The following ARMH3 variants were observed in gnomAD, a reference collection of about 807,000 sequenced individuals.
The protein encoded by ARMH3 is armadillo like helical domain containing 3.
Under a neutral mutation model 99.1 loss-of-function variants are expected in ARMH3, and 60 were observed. That is an observed-to-expected ratio of 0.61 (90% CI 0.49 to 0.75). The LOEUF is 0.75. Among genes scored for constraint, ARMH3 ranks in the 30% least tolerant of loss-of-function variants. The probability of loss-of-function intolerance (pLI) is 0.00; values close to 1 mark genes in which losing one functional copy is unlikely to be tolerated. For synonymous variants in ARMH3, 285 were observed against 292.8 expected, an observed-to-expected ratio of 0.97 and a Z score of 0.27; for missense variants, 679 against 843.1, an observed-to-expected ratio of 0.81 and a Z score of 2.41.
intron 17 of ARMH3, 33 bp from the exon 18 acceptor site, chr10:101,992,071 G>A (rs1359686730): frequency 1.3e-6 from 2 of 1,566,780 alleles, no homozygotes; most frequent in South Asian, 1.1e-5. Context: ...AAGGAAATTA[G>A]TAGACACCGG....
chr10:102,038,225 G>C (rs896835551), intron 2 of ARMH3, among the ~76,000 whole-genome samples: 4 of 150,312 alleles, frequency 2.7e-5, no homozygotes, highest in Non-Finnish European at 4.4e-5. Flanking sequence ...CTCCCAAGTA[G>C]CTGGGACTAC....
chr10:102,037,658 G>T (rs2136232833), intron 2 of ARMH3, among the ~76,000 whole-genome samples: 1 of 152,118 alleles, frequency 6.6e-6, no homozygotes, highest in African/African-American at 2.4e-5. Flanking sequence ...CTGCTGCCTT[G>T]AACTCCTAGG....
chr10:102,033,267 T>TA lies in ARMH3; in HGVS notation c.159+15_159+16insT, dbSNP rs1564869388. On this transcript the variant is annotated intron_variant, in intron 3 of 25. Coordinates refer to ENST00000370033, the MANE Select transcript of ARMH3 (RefSeq NM_024541.3). ...TTTAGTTACCAGGAAATTCCACAGA[T>TA]GCCACCAACTCTTACCTTCATGAGA... The TA allele has an allele frequency of 3.1e-6, 5 of 1,614,008 alleles. No homozygotes were observed. The East Asian group carries it at 1.1e-4, about 36-fold the overall frequency.
At chr10:101,889,296 C>T (rs2067627807) in intron 24 of ARMH3, 116 bp downstream of exon 24, 1 of 988,324 alleles carries the variant, frequency 1.0e-6, no homozygotes, top group Admixed American at 1.7e-5. Context: ...CTCTCAGCAG[C>T]CTGGCCCTGG....
At chr10:101,908,879 T>C (rs1842753726) in intron 23 of ARMH3, among the ~76,000 whole-genome samples, 1 of 151,738 alleles carries the variant, frequency 6.6e-6, no homozygotes, top group East Asian at 1.9e-4. Flanking sequence ...CCCAGGCTGG[T>C]CTCGCACTCC....
chr10:102,033,490 T>C, intron 2 of ARMH3, 151 bp from the exon 3 acceptor site: 1 of 816,578 alleles, frequency 1.2e-6, no homozygotes. Context: ...TGATCTCGGC[T>C]CACTGCAGGC....
In ARMH3 at chr10:101,962,198, G is replaced by A. The variant is rs1483746592; in HGVS notation, c.1496-4466C>T. On this transcript the variant is annotated intron_variant, in intron 20 of 25. Transcript: ENST00000370033. ...TCGCAGAGAATATCCTTTTGGGTAA[G>A]GGCAAGCTTGGTAGTTGAGACTTTC... 2.6e-5 allele frequency among the ~76,000 whole-genome samples: 4 copies of A among 152,344 alleles called. No homozygotes were observed. In the East Asian group the frequency reaches 7.7e-4, roughly 29 times the overall value.
At chr10:101,855,766 A>G (rs1337002971) in intron 24 of ARMH3, among the ~76,000 whole-genome samples, 1 of 147,354 alleles carries the variant, frequency 6.8e-6, no homozygotes, top group Non-Finnish European at 1.5e-5. Context: ...TGTATTATAT[A>G]TAAATATATT....
chr10:102,044,194 C>T (rs1024991109), intron 1 of ARMH3, among the ~76,000 whole-genome samples: 6 of 150,812 alleles, frequency 4.0e-5, no homozygotes, highest in East Asian at 3.9e-4. Flanking sequence ...CCTGGGTTCA[C>T]GCCATTCTCC....
In ARMH3 at chr10:101,993,524, A is replaced by G. The variant is rs1590150691; in HGVS notation, c.1275+14T>C. The G allele has an allele frequency of 6.4e-7, 1 of 1,574,782 alleles. No homozygotes were observed. The highest frequency in any genetic ancestry group is 2.3e-5 in the East Asian group (1 of 44,214). On this transcript the variant is annotated intron_variant, in intron 17 of 25. Transcript: ENST00000370033. ...TTCCTCTAAGAAAAAACAAGAAGCAAAAGAAACACCTACCATTCTATGTAA... is the reference window on the plus strand; with the variant it reads ...TTCCTCTAAGAAAAAACAAGAAGCAGAAGAAACACCTACCATTCTATGTAA...
intron 19 of ARMH3, among the ~76,000 whole-genome samples, chr10:101,986,099 C>T (rs983427583): frequency 6.6e-6 from 1 of 152,044 alleles, no homozygotes; most frequent in Non-Finnish European, 1.5e-5. Flanking sequence ...CAGAATGACT[C>T]TAAATTTAGT....
At chr10:102,017,563 G>A (rs1172097560) in intron 8 of ARMH3, among the ~76,000 whole-genome samples, 2 of 152,148 alleles carry the variant, frequency 1.3e-5, no homozygotes, top group Non-Finnish European at 2.9e-5. Flanking sequence ...ATGATAGTGT[G>A]TTCCTATCAC....
chr10:101,955,939 T>G (rs997264837), intron 22 of ARMH3, among the ~76,000 whole-genome samples: 1 of 152,196 alleles, frequency 6.6e-6, no homozygotes, highest in Non-Finnish European at 1.5e-5. Flanking sequence ...GCTAATAAAT[T>G]TGCGCTTTAA....
chr10:101,993,589 A>G lies in ARMH3; in HGVS notation c.1224T>C (p.Asn408=), dbSNP rs946699926. ...LTCIAEDQYA[N]AFLHDDNMNF... The stretch of plus-strand genomic sequence containing the variant: ...TCATGTTGTCATCATGCAAAAATGC[A>G]TTGGCATATTGATCCTAATAAAAAT... The change falls in exon 17 of 26, where the codon AAT becomes AAC. Residue 408 remains asparagine (N), a synonymous_variant. Transcript: ENST00000370033. The G allele has an allele frequency of 6.3e-7, 1 of 1,596,422 alleles. No homozygotes were observed. The highest frequency in any genetic ancestry group is 1.3e-5 in the African/African-American group (1 of 74,176).
chr10:101,914,175 C>A (rs987203348), intron 23 of ARMH3, among the ~76,000 whole-genome samples: 2 of 152,020 alleles, frequency 1.3e-5, no homozygotes, highest in East Asian at 3.9e-4. Flanking sequence ...GCTGAAGGGG[C>A]ATAAAAACAC....
intron 24 of ARMH3, among the ~76,000 whole-genome samples, chr10:101,878,304 A>G (rs1265033116): frequency 6.6e-6 from 1 of 152,160 alleles, no homozygotes; most frequent in East Asian, 1.9e-4. Context: ...TACCTTTTAG[A>G]TCTTGAACAG....
At chr10:101,850,090 C>CTTTT (rs754571008) in intron 24 of ARMH3, among the ~76,000 whole-genome samples, 198 bp from the exon 25 acceptor site, 45 of 91,346 alleles carry the variant, frequency 4.9e-4, no homozygotes, top group South Asian at 8.5e-4. Flanking sequence ...CTCTCTCTCT[C>CTTTT]TTTTTTTTTT....
At chr10:101,982,714 G>T (rs1336388660) in intron 19 of ARMH3, among the ~76,000 whole-genome samples, 1 of 152,066 alleles carries the variant, frequency 6.6e-6, no homozygotes, top group Admixed American at 6.6e-5. Flanking sequence ...ATTGTGAACT[G>T]CGCATGCAAG....
At chr10:102,041,927 C>A (rs556362179) in intron 1 of ARMH3, among the ~76,000 whole-genome samples, 14 of 152,294 alleles carry the variant, frequency 9.2e-5, no homozygotes, top group African/African-American at 3.4e-4. Flanking sequence ...GGATTACAGG[C>A]ATGAGCCACT....
Sources: gnomAD v4.1 joint callset for allele counts (sites outside exome capture counted in the v4.1 genomes callset) on GRCh38, gnomAD v4.1.1 for gene constraint, MANE v1.5 for transcripts, NCBI Gene and HGNC (gene_info 2026-07-23, HGNC 2026-07-21) for gene names.